CPT1A: variants seen among roughly 807,000 people sequenced by gnomAD.
The protein encoded by CPT1A is carnitine O-palmitoyltransferase 1, liver isoform.
A neutral mutation model predicts 100.8 loss-of-function variants in CPT1A; 64 were observed. That is an observed-to-expected ratio of 0.63 (90% CI 0.52 to 0.78). The LOEUF is 0.78. Ranked by LOEUF, CPT1A falls within the 30% of genes least tolerant of loss-of-function variation. The pLI is 0.00. For synonymous variants in CPT1A, 363 were observed against 396.0 expected (o/e 0.92, Z 0.99); for missense variants, 802 against 1,034.1 (o/e 0.78, Z 3.08).
chr11:68,784,528 C>T (rs1281774397), intron 10 of CPT1A, among the ~76,000 whole-genome samples: 3 of 151,542 alleles, frequency 2.0e-5, no homozygotes, highest in African/African-American at 7.3e-5. Context: ...AGCGAGACTT[C>T]GTCTCAAAAA....
chr11:68,799,089 G>A, intron 6 of CPT1A, 129 bp downstream of exon 6: 1 of 797,042 alleles, frequency 1.3e-6, no homozygotes, highest in Admixed American at 2.0e-5. Context: ...TAAAACTATA[G>A]CTGGAACTTC....
intron 1 of CPT1A, among the ~76,000 whole-genome samples, chr11:68,833,482 C>A (rs986419042): frequency 6.6e-6 from 1 of 152,222 alleles, no homozygotes; most frequent in South Asian, 2.1e-4. Flanking sequence ...CTTGGCTGGG[C>A]GTGTTGGCTC....
chr11:68,778,506 C>T (rs536089787), intron 12 of CPT1A, among the ~76,000 whole-genome samples: 3 of 152,048 alleles, frequency 2.0e-5, no homozygotes, highest in East Asian at 1.9e-4. Flanking sequence ...GAGGCCAAGG[C>T]GGGTGGATCA....
chr11:68,830,538 A>G (rs1426673362), intron 1 of CPT1A, among the ~76,000 whole-genome samples: 3 of 152,218 alleles, frequency 2.0e-5, no homozygotes, highest in Non-Finnish European at 4.4e-5. Context: ...GCAGAATAAG[A>G]GGCCCCAGCC....
upstream of CPT1A, among the ~76,000 whole-genome samples, chr11:68,842,266 C>A (rs180759246): frequency 2.0e-5 from 3 of 152,252 alleles, no homozygotes; most frequent in Non-Finnish European, 4.4e-5. Context: ...CTCTTTCATG[C>A]AGACAAGGGT....
At chr11:68,801,997 G>C (rs934629933) in intron 5 of CPT1A, among the ~76,000 whole-genome samples, 1 of 152,250 alleles carries the variant, frequency 6.6e-6, no homozygotes, top group East Asian at 1.9e-4. Context: ...TACAACACGG[G>C]TGAACTCTAA....
intron 9 of CPT1A, among the ~76,000 whole-genome samples, chr11:68,788,158 G>A (rs1047760539): frequency 6.6e-6 from 1 of 152,006 alleles, no homozygotes; most frequent in African/African-American, 2.4e-5. Context: ...GGTGGCCTGG[G>A]CAAACTTACA....
At chr11:68,803,587 T>TTAC (rs1855962507) in intron 5 of CPT1A, among the ~76,000 whole-genome samples, 1 of 152,006 alleles carries the variant, frequency 6.6e-6, no homozygotes, top group Non-Finnish European at 1.5e-5. Context: ...GGCAGGTGCC[T>TTAC]GTAATCCCAG....
At chr11:68,780,232 T>C (rs1190873227) in intron 12 of CPT1A, among the ~76,000 whole-genome samples, 1 of 152,214 alleles carries the variant, frequency 6.6e-6, no homozygotes, top group African/African-American at 2.4e-5. Context: ...TCATATTCTA[T>C]AATCACGCAA....
chr11:68,761,676 C>T lies in CPT1A; in HGVS notation c.1887G>A (p.Arg629=), dbSNP rs1351610928. The T allele has an allele frequency of 6.2e-7, 1 of 1,614,162 alleles. No individual in the cohort carries two copies. The highest frequency in any genetic ancestry group is 1.7e-5 in the Admixed American group (1 of 60,010). The change falls in exon 16 of 19, where the codon AGG becomes AGA. Residue 629 remains arginine (R), a synonymous_variant. Transcript: ENST00000265641. ...MVDPAQTVEQ[R]LKLFKLASEK... is the part of the protein sequence containing the mutation. ...CAGACGCCAACTTGAACAACTTCAG[C>T]CTCTGTTCCACCTGAGTGACAAAAG...
Position 68,803,322 on chromosome 11 carries a change from C to T in CPT1A, c.555+678G>A, listed in dbSNP as rs140535820. On this transcript the variant is annotated intron_variant, in intron 5 of 18. Coordinates refer to ENST00000265641, the MANE Select transcript of CPT1A (RefSeq NM_001876.4). The stretch of plus-strand genomic sequence containing the variant: ...TCCCTCAGATTGGCAAATCCAGAGG[C>T]AGAAAGTAGAAGAGAAGTTACTAGG... Among the ~76,000 whole-genome samples, 172 of 152,166 alleles carry T rather than the reference C, an allele frequency of 1.1e-3. 2 individuals are homozygous for T. Among genetic ancestry groups the T allele is most frequent in the East Asian group, 7.3e-3 (38 of 5,184 alleles).
intron 14 of CPT1A, among the ~76,000 whole-genome samples, chr11:68,763,438 G>A (rs898148819): frequency 1.3e-5 from 2 of 152,012 alleles, no homozygotes; most frequent in Admixed American, 1.3e-4. Context: ...AAGACACAAC[G>A]TATTGCCTGG....
At position 68,762,668 on chromosome 11, in the gene CPT1A, A is replaced by T. The variant is rs370017303; in HGVS notation, c.1834T>A (p.Ser612Thr). 3.1e-6 allele frequency: 5 copies of T among 1,613,616 alleles called. No homozygotes were observed. Among genetic ancestry groups the T allele is most frequent in the Non-Finnish European group, 4.2e-6 (5 of 1,179,978 alleles). ...ACCATGGCCCGCACGAAGTCGCATG[A>T]CTCAGTGGTGCAGGAGCGCACGGTC... ...TETVRSCTTE[S>T]CDFVRAMVDP... Residue 612 changes from serine (S) to threonine (T), a missense_variant, in exon 15 of 19, where the codon TCA becomes ACA. Transcript: ENST00000265641.
At chr11:68,791,505 A>C (rs1855610884) in intron 9 of CPT1A, among the ~76,000 whole-genome samples, 1 of 152,228 alleles carries the variant, frequency 6.6e-6, no homozygotes, top group Admixed American at 6.5e-5. Context: ...AGCCAGAAAC[A>C]CTGTGAAATC....
intron 1 of CPT1A, among the ~76,000 whole-genome samples, chr11:68,834,040 T>G (rs1196650850): frequency 1.3e-5 from 2 of 152,322 alleles, no homozygotes; most frequent in East Asian, 3.9e-4. Flanking sequence ...CATTCAATAT[T>G]CACATTATTT....
At chr11:68,784,582 C>G (rs1253352136) in intron 10 of CPT1A, among the ~76,000 whole-genome samples, 2 of 152,196 alleles carry the variant, frequency 1.3e-5, no homozygotes, top group East Asian at 3.9e-4. Flanking sequence ...GTCCTGGACT[C>G]TGGAGTGTTT....
chr11:68,783,227 C>T (rs1380970947), intron 10 of CPT1A, among the ~76,000 whole-genome samples: 1 of 152,142 alleles, frequency 6.6e-6, no homozygotes, highest in Non-Finnish European at 1.5e-5. Context: ...AGGGCCCCTC[C>T]TCCCTGCCCA....
intron 8 of CPT1A, among the ~76,000 whole-genome samples, chr11:68,794,303 G>A (rs1184954717): frequency 1.3e-5 from 2 of 152,238 alleles, no homozygotes; most frequent in African/African-American, 2.4e-5. Context: ...AAAGGGCAGA[G>A]GGGTTTTCGG....
Position 68,841,707 on chromosome 11 carries a change from C to T in CPT1A, c.-14+68G>A. On this transcript the variant is annotated intron_variant, in intron 1 of 18. Transcript: ENST00000265641. This position sits in a 1 kb window ranked among gnomAD's most constrained non-coding sequence, Gnocchi z 6.3. ...GTTCCCGGCAGCCCCGCGCCCCGCC[C>T]GTCCCCGGCCCCCGCAGCCCGCAGG... 1 of 849,796 alleles carries T rather than the reference C, an allele frequency of 1.2e-6. No homozygotes were observed. Among genetic ancestry groups the T allele is most frequent in the Non-Finnish European group, 1.4e-6 (1 of 705,714 alleles). The allele number at this position is 849,796 out of a possible 1,614,324, so 52.6% of individuals were successfully genotyped here. A position where few individuals can be genotyped will look rare whatever the true frequency, so the allele number is the denominator to read the frequency against.
Sources: gnomAD v4.1 joint callset for allele counts (sites outside exome capture counted in the v4.1 genomes callset) on GRCh38, gnomAD v4.1.1 for gene constraint, Gnocchi (gnomAD v3.1) non-coding constraint, MANE v1.5 for transcripts, NCBI Gene and HGNC (gene_info 2026-07-23, HGNC 2026-07-21) for gene names.